ESR1: variants seen among roughly 807,000 people sequenced by gnomAD.
The protein encoded by ESR1 is estrogen receptor.
In ESR1, 12 loss-of-function variants were observed where a neutral mutation model predicts 52.7. The ratio of observed to expected loss-of-function variants is 0.23; its 90% CI spans 0.15 to 0.37. The LOEUF (loss-of-function observed/expected upper bound fraction) is 0.37. Ranked by LOEUF, ESR1 falls within the 10% of genes least tolerant of loss-of-function variation. ESR1 has a pLI of 1.00. For missense variants in ESR1, 584 were observed against 779.7 expected (o/e 0.75, Z 2.99); for synonymous variants, 305 against 316.8 (o/e 0.96, Z 0.39).
intron 5 of ESR1, among the ~76,000 whole-genome samples, chr6:152,022,676 A>G (rs937413205): frequency 2.6e-5 from 4 of 152,092 alleles, no homozygotes; most frequent in African/African-American, 9.7e-5. Context: ...GTGTCTTTCA[A>G]AAGAAAAAGG....
chr6:151,934,773 C>T (rs2034147209), intron 3 of ESR1, among the ~76,000 whole-genome samples: 1 of 152,094 alleles, frequency 6.6e-6, no homozygotes. Context: ...AATTTCTAGA[C>T]CAGGATGTGT....
intron 1 of ESR1, among the ~76,000 whole-genome samples, chr6:151,840,042 G>A (rs1024738581): frequency 6.6e-6 from 1 of 152,112 alleles, no homozygotes; most frequent in Non-Finnish European, 1.5e-5. Context: ...GGAACTTCTG[G>A]CCATGCGTAT....
intron 6 of ESR1, among the ~76,000 whole-genome samples, chr6:152,093,578 C>T (rs1016707970): frequency 2.0e-5 from 3 of 152,148 alleles, no homozygotes; most frequent in African/African-American, 7.2e-5. Context: ...TCCAGAGGCA[C>T]CAGGCACTGT....
At chr6:151,747,456 T>C (rs75185837) in intron 2 of ESR1, among the ~76,000 whole-genome samples, 2,920 of 152,344 alleles carry the variant, frequency 0.019, 37 homozygotes, top group East Asian at 0.033. Flanking sequence ...TGGGTTTTGT[T>C]GTCAACACAA....
At chr6:151,906,644 A>G (rs1797501260) in intron 3 of ESR1, among the ~76,000 whole-genome samples, 1 of 150,534 alleles carries the variant, frequency 6.6e-6, no homozygotes, top group African/African-American at 2.4e-5. Flanking sequence ...AATCTTTTAC[A>G]GATATTTATA....
chr6:151,925,281 A>G (rs897411698), intron 3 of ESR1, among the ~76,000 whole-genome samples: 27 of 152,044 alleles, frequency 1.8e-4, no homozygotes, highest in Non-Finnish European at 7.4e-5. Context: ...TTTTTCAATG[A>G]GGTGTACATC....
exon 1 of ESR1, chr6:151,656,755 C>T (rs1252595311): frequency 6.6e-6 from 1 of 152,102 alleles, no homozygotes; most frequent in Non-Finnish European, 1.5e-5. Context: ...TCTGTAGCTA[C>T]CAAAGAAGGT....
At chr6:151,664,762 G>A (rs1394760432) in intron 1 of ESR1, among the ~76,000 whole-genome samples, 2 of 152,086 alleles carry the variant, frequency 1.3e-5, no homozygotes, top group Admixed American at 6.6e-5. Context: ...AACAGCATTC[G>A]ATGTTTTAGC....
At chr6:152,033,247 T>C (rs1220226984) in intron 5 of ESR1, among the ~76,000 whole-genome samples, 2 of 152,090 alleles carry the variant, frequency 1.3e-5, no homozygotes, top group Admixed American at 6.5e-5. Context: ...ACTTCATGTC[T>C]AAAACACCAA....
chr6:151,771,287 G>A (rs1295457016), intron 2 of ESR1, among the ~76,000 whole-genome samples: 2 of 152,176 alleles, frequency 1.3e-5, no homozygotes, highest in Non-Finnish European at 2.9e-5. Flanking sequence ...TCATGTAATT[G>A]AAAGCGTTTA....
At chr6:152,028,786 G>A (rs1371346766) in intron 5 of ESR1, among the ~76,000 whole-genome samples, 1 of 152,198 alleles carries the variant, frequency 6.6e-6, no homozygotes, top group Non-Finnish European at 1.5e-5. Context: ...TGACAGCTTT[G>A]AAGACAGTAG....
intron 2 of ESR1, among the ~76,000 whole-genome samples, chr6:151,790,809 C>T (rs1215852472): frequency 1.3e-5 from 2 of 152,098 alleles, no homozygotes. Context: ...TGAGGCCAAC[C>T]TTATTGGCCA....
At chr6:152,106,794 T>C (rs1334273130), downstream of ESR1, among the ~76,000 whole-genome samples, 2 of 152,070 alleles carry the variant, frequency 1.3e-5, no homozygotes, top group Admixed American at 1.3e-4. Flanking sequence ...ATTGTAGAGA[T>C]GAGGTCTCAT....
At chr6:152,090,673 C>A (rs2050109322) in intron 6 of ESR1, among the ~76,000 whole-genome samples, 1 of 152,086 alleles carries the variant, frequency 6.6e-6, no homozygotes, top group South Asian at 2.1e-4. Flanking sequence ...GAAGGGGGTT[C>A]CTCTGGGGTG....
At chr6:151,736,397 G>C (rs955518712) in intron 2 of ESR1, among the ~76,000 whole-genome samples, 1 of 31,284 alleles carries the variant, frequency 3.2e-5, no homozygotes, top group African/African-American at 1.4e-4. Flanking sequence ...TTTTGAGATG[G>C]AGTTTCACTC....
chr6:151,807,534 T>C (rs1217514229), upstream of ESR1: 5 of 368,738 alleles, frequency 1.4e-5, no homozygotes, highest in East Asian at 2.8e-4. Flanking sequence ...AGCTGCTCTT[T>C]GGGATCGCTC....
intron 1 of ESR1, among the ~76,000 whole-genome samples, chr6:151,820,956 C>T (rs550625222): frequency 5.5e-4 from 83 of 152,198 alleles, no homozygotes; most frequent in African/African-American, 1.9e-3. Flanking sequence ...TTGGTGCAAT[C>T]GTCTCTTTGC....
intron 4 of ESR1, among the ~76,000 whole-genome samples, chr6:151,958,146 T>C (rs192359589): frequency 2.0e-5 from 3 of 152,370 alleles, no homozygotes; most frequent in Admixed American, 2.0e-4. Flanking sequence ...AATGGATATT[T>C]GGTGGGCAAA....
intron 3 of ESR1, among the ~76,000 whole-genome samples, chr6:151,924,139 G>T (rs867761242): frequency 6.6e-6 from 1 of 152,138 alleles, no homozygotes; most frequent in Non-Finnish European, 1.5e-5. Flanking sequence ...TGCCTCCTGG[G>T]TTCAAGCAAT....
Sources: allele counts gnomAD v4.1 joint callset (sites outside exome capture counted in the v4.1 genomes callset), GRCh38; gene constraint gnomAD v4.1.1; transcripts MANE v1.5; gene names NCBI Gene and HGNC (gene_info 2026-07-23, HGNC 2026-07-21).